Variants in BTBD7 observed in about 807,000 individuals in gnomAD.
BTBD7 encodes the protein BTB domain containing 7.
Under a neutral mutation model 99.9 loss-of-function variants are expected in BTBD7, and 38 were observed. The observed-to-expected ratio is 0.38, with a 90% CI of 0.29 to 0.50. BTBD7 has a LOEUF of 0.50. Ranked by LOEUF, BTBD7 falls within the 20% of genes least tolerant of loss-of-function variation. The pLI is 0.93. For missense variants in BTBD7, 1,170 were observed against 1,394.6 expected (o/e 0.84, Z 2.57); for synonymous variants, 520 against 511.4 (o/e 1.02, Z -0.23).
At chr14:93,286,564 A>G (rs1449543392) in intron 3 of BTBD7, among the ~76,000 whole-genome samples, 2 of 152,166 alleles carry the variant, frequency 1.3e-5, no homozygotes, top group Admixed American at 6.5e-5. Flanking sequence ...TTCAATCACT[A>G]TAGTTTTCTG....
chr14:93,251,689 C>T (rs886487056), intron 7 of BTBD7, 37 bp from the exon 8 acceptor site: 2 of 1,462,550 alleles, frequency 1.4e-6, no homozygotes, highest in Admixed American at 3.8e-5. Context: ...AACCAGTCAA[C>T]CTTCCTCTGT....
At chr14:93,277,180 G>C (rs2052665630) in intron 3 of BTBD7, among the ~76,000 whole-genome samples, 1 of 152,280 alleles carries the variant, frequency 6.6e-6, no homozygotes, top group South Asian at 2.1e-4. Flanking sequence ...GGGATTACAG[G>C]TGTGAGCCAC....
chr14:93,265,126 T>C (rs928619923), intron 3 of BTBD7, among the ~76,000 whole-genome samples: 7 of 151,940 alleles, frequency 4.6e-5, no homozygotes, highest in Admixed American at 4.6e-4. Flanking sequence ...AAATAAACAC[T>C]ACCAAACTAT....
chr14:93,308,544 T>A (rs139482944), intron 1 of BTBD7, among the ~76,000 whole-genome samples: 1 of 152,286 alleles, frequency 6.6e-6, no homozygotes, highest in East Asian at 1.9e-4. Context: ...CTCAAACAGA[T>A]GTGTACACCC....
At chr14:93,286,548 T>A (rs967639688) in intron 3 of BTBD7, among the ~76,000 whole-genome samples, 1 of 152,200 alleles carries the variant, frequency 6.6e-6, no homozygotes, top group Non-Finnish European at 1.5e-5. Context: ...TCCTACAAGT[T>A]GATGTTTCAA....
intron 3 of BTBD7, among the ~76,000 whole-genome samples, chr14:93,282,945 A>G (rs1348103661): frequency 6.6e-6 from 1 of 152,248 alleles, no homozygotes; most frequent in African/African-American, 2.4e-5. Flanking sequence ...TCAGTAATTC[A>G]AGACAAATGT....
Position 93,298,295 on chromosome 14 carries a change from C to T in BTBD7, c.-106-2138G>A, listed in dbSNP as rs116217930. ...GTTTGTAGAGACTCAAGATGCCACA[C>T]GTTGAGCATCCCTAATCAGAAAATC... On this transcript the variant is annotated intron_variant, in intron 1 of 10. Transcript: ENST00000334746. Among the ~76,000 whole-genome samples the T allele has an allele frequency of 9.4e-3, 1,431 of 152,258 alleles. 27 individuals carry two copies. The highest frequency in any genetic ancestry group is 0.033 in the African/African-American group (1,371 of 41,544).
chr14:93,254,387 G>A (rs184690940), intron 6 of BTBD7, among the ~76,000 whole-genome samples: 1 of 152,218 alleles, frequency 6.6e-6, no homozygotes, highest in East Asian at 1.9e-4. Context: ...AACTCTTAAT[G>A]AAAACCAATT....
chr14:93,324,421 C>CAAAAAAAAAAAA (rs768532376), intron 1 of BTBD7, among the ~76,000 whole-genome samples: 1 of 89,928 alleles, frequency 1.1e-5, no homozygotes. Context: ...GACCCTGTCT[C>CAAAAAAAAAAAA]AAAAAAAAAA....
Position 93,333,012 on chromosome 14 carries a change from C to A in BTBD7, c.-299G>T, listed in dbSNP as rs1264235620. On this transcript the variant is annotated 5_prime_UTR_variant, in exon 1 of 11. Transcript: ENST00000334746. ...GGACTGCTCCAGGTTCCCCTCGCCG[C>A]CATTTTGACTCCTAGACGGAGCAGG... 1.9e-6 allele frequency: 1 copy of A among 527,814 alleles called. No individual in the cohort carries two copies. Among genetic ancestry groups the A allele is most frequent in the Non-Finnish European group, 3.2e-6 (1 of 310,718 alleles). The allele number at this position is 527,814 out of a possible 1,614,324, so 32.7% of individuals were successfully genotyped here.
At chr14:93,259,081 G>A (rs1431109807) in intron 5 of BTBD7, among the ~76,000 whole-genome samples, 1 of 152,174 alleles carries the variant, frequency 6.6e-6, no homozygotes, top group Non-Finnish European at 1.5e-5. Flanking sequence ...CAATGAATCA[G>A]CATATACTGA....
chr14:93,294,147 T>C lies in BTBD7; in HGVS notation c.873A>G (p.Leu291=). The change falls in exon 3 of 11, where the codon TTA becomes TTG. Residue 291 remains leucine (L), a synonymous_variant. Coordinates refer to ENST00000334746, the MANE Select transcript of BTBD7 (RefSeq NM_001002860.4). ...ISARSPFFRN[L]LQRRIRTGEE... is the part of the protein sequence containing the mutation. The stretch of plus-strand genomic sequence containing the variant: ...CACCAGTTCGTATCCTCCTTTGTAA[T>C]AAATTTCGAAAAAATGGGGACCGTG... The C allele has an allele frequency of 2.5e-6, 4 of 1,614,032 alleles. No homozygotes were observed. The highest frequency in any genetic ancestry group is 3.4e-6 in the Non-Finnish European group (4 of 1,179,992).
intron 3 of BTBD7, among the ~76,000 whole-genome samples, chr14:93,288,913 C>T (rs1234698716): frequency 6.6e-6 from 1 of 152,192 alleles, no homozygotes; most frequent in Non-Finnish European, 1.5e-5. Context: ...CATAGGGTTT[C>T]ACATAATTAT....
chr14:93,251,138 T>C (rs1041974428), intron 8 of BTBD7, among the ~76,000 whole-genome samples: 4 of 152,198 alleles, frequency 2.6e-5, no homozygotes, highest in African/African-American at 4.8e-5. Context: ...CTAGCATTTA[T>C]TGAGTACAGG....
At chr14:93,332,524 CG>C (rs1465135002) in intron 1 of BTBD7, among the ~76,000 whole-genome samples, 4 of 151,932 alleles carry the variant, frequency 2.6e-5, no homozygotes, top group Admixed American at 2.6e-4. Flanking sequence ...GCGACTCCCT[CG>C]GGCCGCTCTC....
chr14:93,293,916 T>C lies in BTBD7; in HGVS notation c.1104A>G (p.Glu368=). Residue 368 remains glutamate (E), a synonymous_variant, in exon 3 of 11, where the codon GAA becomes GAG. Coordinates refer to ENST00000334746, the MANE Select transcript of BTBD7 (RefSeq NM_001002860.4). The part of the protein sequence containing the change: ...VAGKPNMTRA[E]EAMELYHIAL... ...CTATGTGGTAAAGTTCCATGGCTTC[T>C]TCTGCCCTGGTCATGTTTGGCTTCC... 6.2e-7 allele frequency: 1 copy of C among 1,613,824 alleles called. No homozygotes were observed. The highest frequency in any genetic ancestry group is 8.5e-7 in the Non-Finnish European group (1 of 1,179,866).
chr14:93,317,287 G>A (rs991912959), intron 1 of BTBD7, among the ~76,000 whole-genome samples: 1 of 151,844 alleles, frequency 6.6e-6, no homozygotes, highest in Admixed American at 6.6e-5. Flanking sequence ...TTATAGGCGT[G>A]AGCCACTGCG....
chr14:93,294,951 T>TA lies in BTBD7; in HGVS notation c.83-15dup, dbSNP rs753661193. 1.6e-5 allele frequency: 24 copies of TA among 1,524,918 alleles called. No homozygotes were observed. In the Admixed American group the frequency reaches 5.5e-4, roughly 35 times the overall value. 94.5% of individuals were successfully genotyped at this position (1,524,918 alleles called of 1,614,324 possible). On this transcript the variant is annotated splice_polypyrimidine_tract_variant and intron_variant, in intron 2 of 10. Coordinates refer to ENST00000334746, the MANE Select transcript of BTBD7 (RefSeq NM_001002860.4). ...AGGATGAGGTCCCTAAGAAAAAAAT[T>TA]AAACAAATGAAAATTTATTTTTTCT...
intron 1 of BTBD7, among the ~76,000 whole-genome samples, chr14:93,307,456 G>A (rs1390738398): frequency 1.3e-5 from 2 of 152,138 alleles, no homozygotes; most frequent in Non-Finnish European, 2.9e-5. Context: ...ACACCCAGAC[G>A]TGACTTTACT....
Sources: gnomAD v4.1 joint callset for allele counts (sites outside exome capture counted in the v4.1 genomes callset) on GRCh38, gnomAD v4.1.1 for gene constraint, MANE v1.5 for transcripts, NCBI Gene and HGNC (gene_info 2026-07-23, HGNC 2026-07-21) for gene names.